The following COL6A5 variants were observed in gnomAD, a reference collection of about 807,000 sequenced individuals.
COL6A5 encodes the protein collagen type VI alpha 5 chain.
In COL6A5, 48 loss-of-function variants were observed where a neutral mutation model predicts 65.6. That is an observed-to-expected ratio of 0.73 (90% CI 0.58 to 0.93). The LOEUF is 0.93. COL6A5 is among the 40% of genes least tolerant of loss of function. The pLI is 0.00. For synonymous variants in COL6A5, 291 were observed against 322.8 expected, an observed-to-expected ratio of 0.90 and a Z score of 1.05; for missense variants, 914 against 928.3, an observed-to-expected ratio of 0.98 and a Z score of 0.20.
At chr3:130,397,906 T>G in exon 9 of COL6A5, 1 of 1,550,778 alleles carries the variant, frequency 6.4e-7, no homozygotes, top group East Asian at 2.4e-5. Context: ...TAAGGATAAA[T>G]CTGCATCCCG....
At chr3:130,357,872 G>T (rs1303017550) in intron 1 of COL6A5, among the ~76,000 whole-genome samples, 1 of 152,064 alleles carries the variant, frequency 6.6e-6, no homozygotes. Context: ...CATAACATGT[G>T]TAATGAAGAA....
At chr3:130,359,713 C>T (rs1039407818) in intron 1 of COL6A5, among the ~76,000 whole-genome samples, 1 of 151,990 alleles carries the variant, frequency 6.6e-6, no homozygotes, top group African/African-American at 2.4e-5. Context: ...GGTGGTTCTG[C>T]AGTCATGCTT....
intron 1 of COL6A5, among the ~76,000 whole-genome samples, chr3:130,368,506 G>A (rs1211468074): frequency 2.6e-5 from 4 of 151,954 alleles, no homozygotes; most frequent in African/African-American, 9.7e-5. Flanking sequence ...GAGTTTATAG[G>A]TGTTAGTGGT....
intron 1 of COL6A5, 69 bp from the exon 34 acceptor site, chr3:130,439,453 C>A: frequency 5.3e-6 from 6 of 1,124,364 alleles, no homozygotes; most frequent in East Asian, 2.8e-5. Context: ...TAAACTAATC[C>A]TTAAAGTGGT....
At chr3:130,383,965 A>G (rs1165708765) in intron 4 of COL6A5, among the ~76,000 whole-genome samples, 1 of 152,128 alleles carries the variant, frequency 6.6e-6, no homozygotes, top group Admixed American at 6.6e-5. Flanking sequence ...GGTAAGAAAC[A>G]GGCCATGCTC....
chr3:130,476,946 GTC>G, intron 7 of COL6A5: 1 of 748,184 alleles, frequency 1.3e-6, no homozygotes, highest in Non-Finnish European at 2.3e-6. Flanking sequence ...GCCAATCTGA[GTC>G]TCTTCAGAAA....
exon 8 of COL6A5, chr3:130,394,970 A>G: frequency 6.4e-7 from 1 of 1,551,636 alleles, no homozygotes. Context: ...TGTAACCATG[A>G]CAACTTTCTT....
At chr3:130,447,847 T>G (rs1375124548) in intron 4 of COL6A5, among the ~76,000 whole-genome samples, 1 of 152,204 alleles carries the variant, frequency 6.6e-6, no homozygotes, top group Non-Finnish European at 1.5e-5. Context: ...TTGCCATTAC[T>G]GGAGCCATCA....
intron 1 of COL6A5, among the ~76,000 whole-genome samples, chr3:130,359,776 A>G (rs1015062618): frequency 6.6e-6 from 1 of 152,094 alleles, no homozygotes; most frequent in Non-Finnish European, 1.5e-5. Context: ...ATTGAGTAGT[A>G]TATTTTTCCT....
intron 5 of COL6A5, among the ~76,000 whole-genome samples, chr3:130,457,582 T>G (rs952579013): frequency 6.6e-6 from 1 of 152,032 alleles, no homozygotes; most frequent in African/African-American, 2.4e-5. Flanking sequence ...CTACAGTGAG[T>G]TGAAGTATGC....
intron 1 of COL6A5, among the ~76,000 whole-genome samples, chr3:130,373,064 C>G (rs1935625166): frequency 6.6e-6 from 1 of 152,152 alleles, no homozygotes; most frequent in African/African-American, 2.4e-5. Flanking sequence ...AGTGAGGAAG[C>G]AGTTTTCACA....
At chr3:130,386,740 C>A (rs1394834813) in intron 5 of COL6A5, among the ~76,000 whole-genome samples, 2 of 151,942 alleles carry the variant, frequency 1.3e-5, no homozygotes, top group Non-Finnish European at 2.9e-5. Flanking sequence ...ACAGTACATC[C>A]CTTGCACTTC....
intron 1 of COL6A5, among the ~76,000 whole-genome samples, chr3:130,370,763 T>C (rs752798809): frequency 7.9e-5 from 12 of 152,198 alleles, no homozygotes; most frequent in Non-Finnish European, 1.5e-4. Context: ...AATTTGGCAG[T>C]ATCCAAAGAA....
chr3:130,480,894 A>G (rs2971565), intron 7 of COL6A5, among the ~76,000 whole-genome samples: 96,891 of 151,882 alleles, frequency 0.64, 33,806 homozygotes, highest in Non-Finnish European at 0.8. Flanking sequence ...GAAGCAAGAC[A>G]AGGAAGGAGT....
At chr3:130,360,940 C>G (rs761099963) in intron 1 of COL6A5, among the ~76,000 whole-genome samples, 10 of 151,982 alleles carry the variant, frequency 6.6e-5, no homozygotes, top group Non-Finnish European at 1.5e-4. Flanking sequence ...CGTGCCCAAA[C>G]TGATGTTCTA....
At chr3:130,481,361 G>A (rs1236839966) in intron 7 of COL6A5, among the ~76,000 whole-genome samples, 2 of 151,996 alleles carry the variant, frequency 1.3e-5, no homozygotes, top group Non-Finnish European at 2.9e-5. Context: ...CCATGTCCCT[G>A]CAAAGACATG....
chr3:130,369,421 G>C (rs1015037450), intron 1 of COL6A5, among the ~76,000 whole-genome samples: 3 of 152,138 alleles, frequency 2.0e-5, no homozygotes, highest in Admixed American at 2.0e-4. Flanking sequence ...CGAGGCCTTT[G>C]CTATGCAGTT....
chr3:130,419,536 G>A (rs549122860), intron 25 of COL6A5, among the ~76,000 whole-genome samples: 1 of 152,098 alleles, frequency 6.6e-6, no homozygotes, highest in Non-Finnish European at 1.5e-5. Flanking sequence ...ATGGATGAAT[G>A]GATAAAGAAA....
chr3:130,391,867 C>T, intron 7 of COL6A5, 113 bp downstream of exon 7: 1 of 808,502 alleles, frequency 1.2e-6, no homozygotes, highest in Admixed American at 2.9e-5. Flanking sequence ...GAACATTTCT[C>T]TGCTCAGGCT....
Sources: gnomAD v4.1 joint callset for allele counts (sites outside exome capture counted in the v4.1 genomes callset) on GRCh38, gnomAD v4.1.1 for gene constraint, MANE v1.5 for transcripts, NCBI Gene and HGNC (gene_info 2026-07-23, HGNC 2026-07-21) for gene names.